Variants in TRHDE observed in about 807,000 individuals in gnomAD.
TRHDE encodes thyrotropin releasing hormone degrading enzyme.
A neutral mutation model predicts 125.7 loss-of-function variants in TRHDE; 72 were observed. The observed-to-expected ratio is 0.57, with a 90% CI of 0.47 to 0.70. TRHDE has a LOEUF of 0.70. Ranked by LOEUF, TRHDE falls within the 30% of genes least tolerant of loss-of-function variation. The pLI is 0.00. For synonymous variants in TRHDE, 509 were observed against 509.1 expected (o/e 1.00, Z 0.00); for missense variants, 1,110 against 1,327.1 (o/e 0.84, Z 2.54).
At position 72,125,165 on chromosome 12, in the gene TRHDE, ATTACT is replaced by A. The variant is rs376411893; in HGVS notation, n.279+19417_279+19421del. 6.2e-4 allele frequency among the ~76,000 whole-genome samples: 95 copies of A among 152,240 alleles called. 1 individual carries two copies. The East Asian group carries it at 0.017, about 28-fold the overall frequency. Reference sequence around the variant, plus strand: ...CTTTTTTTTAAGCATTGGTACTAAGATTACTTTATCATCATAAAATAAATGGGCAG... The same window carrying A: ...CTTTTTTTTAAGCATTGGTACTAAGATTATCATCATAAAATAAATGGGCAG... On this transcript the variant is annotated intron_variant and non_coding_transcript_variant, in intron 2 of 4. Transcript: ENST00000548156.
intron 17 of TRHDE, among the ~76,000 whole-genome samples, chr12:72,656,688 A>G (rs113557051): frequency 5.3e-4 from 81 of 152,110 alleles, no homozygotes; most frequent in African/African-American, 1.9e-3. Context: ...ATTTGCTACA[A>G]CTCAGACTTC....
chr12:72,539,565 T>G (rs564474418), intron 6 of TRHDE, among the ~76,000 whole-genome samples: 1 of 151,970 alleles, frequency 6.6e-6, no homozygotes, highest in South Asian at 2.1e-4. Flanking sequence ...GAGGACACAG[T>G]TTTTTCTCTG....
At chr12:72,189,974 G>T (rs562626659) in intron 2 of TRHDE, among the ~76,000 whole-genome samples, 2 of 152,112 alleles carry the variant, frequency 1.3e-5, no homozygotes, top group Non-Finnish European at 2.9e-5. Context: ...GGTACTACAC[G>T]CATCCAAACA....
chr12:72,614,423 G>C (rs2136072410), intron 12 of TRHDE, among the ~76,000 whole-genome samples: 1 of 150,088 alleles, frequency 6.7e-6, no homozygotes. Context: ...GTACATCAAG[G>C]ACTATTGGGA....
intron 6 of TRHDE, among the ~76,000 whole-genome samples, chr12:72,537,651 C>T (rs150061178): frequency 6.6e-6 from 1 of 152,164 alleles, no homozygotes; most frequent in Non-Finnish European, 1.5e-5. Context: ...CACCTTTCCA[C>T]GTCTTAAACT....
intron 2 of TRHDE, among the ~76,000 whole-genome samples, chr12:72,162,184 G>C (rs1876652683): frequency 6.6e-6 from 1 of 152,180 alleles, no homozygotes. Flanking sequence ...ATTCATCCTA[G>C]CTCTCTTCTT....
chr12:72,126,151 C>T (rs1001642565), intron 2 of TRHDE, among the ~76,000 whole-genome samples: 2 of 151,678 alleles, frequency 1.3e-5, no homozygotes, highest in East Asian at 3.9e-4. Flanking sequence ...ATACATCTAA[C>T]CAAGGAGGTG....
intron 6 of TRHDE, among the ~76,000 whole-genome samples, chr12:72,521,030 C>G (rs374181131): frequency 6.6e-6 from 1 of 152,290 alleles, no homozygotes; most frequent in East Asian, 1.9e-4. Flanking sequence ...AGTAGCAGAA[C>G]CAACATTTCA....
intron 5 of TRHDE, among the ~76,000 whole-genome samples, chr12:72,491,783 G>A (rs907869648): frequency 3.9e-5 from 6 of 151,952 alleles, no homozygotes; most frequent in African/African-American, 1.2e-4. Context: ...CACTGATTAA[G>A]GCATCTTAGA....
chr12:72,619,898 ATCTGATTTCTGATGCCCATC>A (rs1872973701), intron 13 of TRHDE, among the ~76,000 whole-genome samples: 1 of 152,126 alleles, frequency 6.6e-6, no homozygotes, highest in South Asian at 2.1e-4. Flanking sequence ...TATTGGAGCC[ATCTGATTTCTGATGCCCATC>A]AGAATTCCTT....
intron 8 of TRHDE, 111 bp from the exon 9 acceptor site, chr12:72,562,742 A>T: frequency 1.4e-6 from 1 of 689,844 alleles, no homozygotes; most frequent in Non-Finnish European, 2.3e-6. Flanking sequence ...AATGACTTTA[A>T]ATGTTTTCAT....
chr12:72,155,269 A>G (rs1449839988), intron 2 of TRHDE, among the ~76,000 whole-genome samples: 1 of 151,842 alleles, frequency 6.6e-6, no homozygotes, highest in Non-Finnish European at 1.5e-5. Context: ...ACCTCTCTGC[A>G]TTGGTTATTC....
chr12:72,347,330 G>A (rs57544114), intron 2 of TRHDE, among the ~76,000 whole-genome samples: 6,719 of 152,108 alleles, frequency 0.044, 505 homozygotes, highest in African/African-American at 0.15. Flanking sequence ...TCTAAAATCA[G>A]CAATATATTT....
chr12:72,529,963 C>T (rs1868457523), intron 6 of TRHDE, among the ~76,000 whole-genome samples: 1 of 152,136 alleles, frequency 6.6e-6, no homozygotes, highest in Non-Finnish European at 1.5e-5. Context: ...TGCTATTTGT[C>T]ACAGTGAATG....
At chr12:72,633,576 T>C (rs372077236) in intron 15 of TRHDE, among the ~76,000 whole-genome samples, 65 of 152,198 alleles carry the variant, frequency 4.3e-4, no homozygotes, top group African/African-American at 1.5e-3. Context: ...CCACCCTAGC[T>C]TCAGCATGAA....
intron 2 of TRHDE, among the ~76,000 whole-genome samples, chr12:72,233,338 T>A (rs9971829): frequency 0.76 from 116,193 of 151,952 alleles, 44,716 homozygotes; most frequent in African/African-American, 0.81. Flanking sequence ...ACTCTGCCCT[T>A]ATTCTCAAGG....
At chr12:72,607,671 A>C (rs1565808325) in intron 12 of TRHDE, among the ~76,000 whole-genome samples, 1 of 152,080 alleles carries the variant, frequency 6.6e-6, no homozygotes, top group Non-Finnish European at 1.5e-5. Context: ...AGTCTATCAG[A>C]TAGGTTTCAA....
At chr12:72,612,444 C>T (rs1010387960) in intron 12 of TRHDE, among the ~76,000 whole-genome samples, 16 of 152,172 alleles carry the variant, frequency 1.1e-4, no homozygotes, top group Non-Finnish European at 2.4e-4. Flanking sequence ...AACCCTAATT[C>T]AGAGAGGTAT....
intron 3 of TRHDE, among the ~76,000 whole-genome samples, chr12:72,399,874 C>A (rs982008315): frequency 6.6e-6 from 1 of 152,110 alleles, no homozygotes; most frequent in Non-Finnish European, 1.5e-5. Flanking sequence ...GCCTCTGTAT[C>A]TCAATTTTCT....
Sources: gnomAD v4.1 joint callset for allele counts (sites outside exome capture counted in the v4.1 genomes callset) on GRCh38, gnomAD v4.1.1 for gene constraint, MANE v1.5 for transcripts, NCBI Gene and HGNC (gene_info 2026-07-23, HGNC 2026-07-21) for gene names.